PRDM6: variants seen among roughly 807,000 people sequenced by gnomAD.
PRDM6 encodes the protein PR/SET domain 6.
A neutral mutation model predicts 60.8 loss-of-function variants in PRDM6; 25 were observed. The observed-to-expected ratio is 0.41, with a 90% CI of 0.30 to 0.57. The LOEUF is 0.57. Among genes scored for constraint, PRDM6 ranks in the 20% least tolerant of loss-of-function variants. The probability of loss-of-function intolerance (pLI) is 0.27; values close to 1 mark genes in which losing one functional copy is unlikely to be tolerated. For missense variants in PRDM6, 839 were observed against 821.3 expected, an observed-to-expected ratio of 1.02 and a Z score of -0.26; for synonymous variants, 407 against 357.4, an observed-to-expected ratio of 1.14 and a Z score of -1.57.
At chr5:123,154,962 C>G (rs1765459228) in intron 3 of PRDM6, among the ~76,000 whole-genome samples, 1 of 152,192 alleles carries the variant, frequency 6.6e-6, no homozygotes. Context: ...TCATCTCCCA[C>G]TCCTCTAGAT....
At chr5:123,159,098 C>T (rs1765570430) in intron 4 of PRDM6, among the ~76,000 whole-genome samples, 1 of 152,106 alleles carries the variant, frequency 6.6e-6, no homozygotes. Flanking sequence ...TTCCCAATGC[C>T]AAGTTGCAAT....
chr5:123,105,851 A>T (rs1029374309), intron 3 of PRDM6, among the ~76,000 whole-genome samples: 12 of 152,224 alleles, frequency 7.9e-5, no homozygotes. Flanking sequence ...AGCATTTGCC[A>T]CCTCACTCAA....
intron 3 of PRDM6, among the ~76,000 whole-genome samples, chr5:123,118,571 G>T (rs140134706): frequency 6.6e-6 from 1 of 152,168 alleles, no homozygotes; most frequent in Admixed American, 6.5e-5. Context: ...TAAAGATTAC[G>T]ATAAGTCTGG....
At chr5:123,111,834 G>T (rs978162508) in intron 3 of PRDM6, among the ~76,000 whole-genome samples, 10 of 151,940 alleles carry the variant, frequency 6.6e-5, no homozygotes, top group African/African-American at 2.2e-4. Context: ...TCTGCTTCAG[G>T]TCCACAGTTG....
rs1766302270 is a variant in PRDM6 at position 123,186,998 on chromosome 5, T to C, written c.1674-89T>C. 6.3e-6 allele frequency: 6 copies of C among 945,018 alleles called. No homozygotes were observed. In the East Asian group the frequency reaches 1.6e-4, roughly 26 times the overall value. The allele number at this position is 945,018 out of a possible 1,614,324, so 58.5% of individuals were successfully genotyped here. A position where few individuals can be genotyped will look rare whatever the true frequency, so the allele number is the denominator to read the frequency against. Reference sequence around the variant, plus strand: ...GGTAAAATCTGAAGCCACTTTGGAGTGTCTGTTCTGATTAGGCAGGATGAG... The same window carrying C: ...GGTAAAATCTGAAGCCACTTTGGAGCGTCTGTTCTGATTAGGCAGGATGAG... On this transcript the variant is annotated intron_variant, in intron 7 of 7. Transcript: ENST00000407847.
chr5:123,102,192 G>A (rs750122983), intron 3 of PRDM6, among the ~76,000 whole-genome samples: 2 of 152,200 alleles, frequency 1.3e-5, no homozygotes, highest in Non-Finnish European at 2.9e-5. Context: ...GGGAGATCAC[G>A]TGAAATGCGA....
Position 123,099,589 on chromosome 5 carries a change from G to A in PRDM6, c.593-65G>A, listed in dbSNP as rs1335205875. 2 of 1,387,570 alleles carry A rather than the reference G, an allele frequency of 1.4e-6. No homozygotes were observed. The allele number at this position is 1,387,570 out of a possible 1,614,324, so 86.0% of individuals were successfully genotyped here. ...CTGTTGTCTCGGGAGTTTACTCAAA[G>A]ATGGGCCGCTCGGGGCGGCCGGATT... On this transcript the variant is annotated intron_variant, in intron 2 of 7. Transcript: ENST00000407847. This position sits in a 1 kb window ranked among gnomAD's most constrained non-coding sequence, Gnocchi z 4.0.
rs925539407 is a variant in PRDM6, at chr5:123,192,000, TAAC to T, written c.*4802_*4804del. ...TTCATCAGATCAATATGTAAAACGA[TAAC>T]AAAAAATATGTCGGAAACAGGTCAA... is the stretch of plus-strand genomic sequence containing the variant. On this transcript the variant is annotated 3_prime_UTR_variant, in exon 8 of 8. Coordinates refer to ENST00000407847, the MANE Select transcript of PRDM6 (RefSeq NM_001136239.4). 4.6e-5 allele frequency: 7 copies of T among 152,198 alleles called. No homozygotes were observed. The highest frequency in any genetic ancestry group is 7.4e-5 in the Non-Finnish European group (5 of 68,022). The allele number at this position is 152,198 out of a possible 1,614,324, so 9.4% of individuals were successfully genotyped here. A position where few individuals can be genotyped will look rare whatever the true frequency, so the allele number is the denominator to read the frequency against.
At position 123,149,790 on chromosome 5, in the gene PRDM6, C is replaced by T. The variant is rs149684527; in HGVS notation, c.901-6094C>T. 2.2e-3 allele frequency among the ~76,000 whole-genome samples: 334 copies of T among 152,290 alleles called. 1 individual carries two copies. Among genetic ancestry groups the T allele is most frequent in the African/African-American group, 7.6e-3 (315 of 41,558 alleles). On this transcript the variant is annotated intron_variant, in intron 3 of 7. Coordinates refer to ENST00000407847, the MANE Select transcript of PRDM6 (RefSeq NM_001136239.4). ...CTATTAACACGTCAACTGTTTTACT[C>T]CTGTATTCCCTTGATGTCATTCCAA...
intron 3 of PRDM6, among the ~76,000 whole-genome samples, chr5:123,137,410 C>G (rs1201547230): frequency 1.3e-5 from 2 of 152,246 alleles, no homozygotes; most frequent in South Asian, 2.1e-4. Context: ...TACTCACCCT[C>G]TAGCACACAT....
At chr5:123,152,613 G>C (rs552554005) in intron 3 of PRDM6, among the ~76,000 whole-genome samples, 2 of 152,162 alleles carry the variant, frequency 1.3e-5, no homozygotes, top group Non-Finnish European at 2.9e-5. Context: ...TCAGTCACTG[G>C]CTTACACCAT....
chr5:123,175,559 A>G (rs1765986754), intron 6 of PRDM6, among the ~76,000 whole-genome samples: 1 of 152,120 alleles, frequency 6.6e-6, no homozygotes, highest in African/African-American at 2.4e-5. Flanking sequence ...TTAGTCTTGC[A>G]CTTCTGTCAC....
Position 123,193,779 on chromosome 5 carries a change from G to T in PRDM6, c.*6578G>T, listed in dbSNP as rs1766475195. The T allele has an allele frequency of 6.6e-6, 1 of 152,146 alleles. No individual in the cohort carries two copies. The highest frequency in any genetic ancestry group is 1.5e-5 in the Non-Finnish European group (1 of 68,026). The allele number at this position is 152,146 out of a possible 1,614,324, so 9.4% of individuals were successfully genotyped here. ...AAGTGTGATATTTAGATGCTATTAG[G>T]ACATTGTATACATTTCTTTAATGTG... On this transcript the variant is annotated 3_prime_UTR_variant, in exon 8 of 8. Coordinates refer to ENST00000407847, the MANE Select transcript of PRDM6 (RefSeq NM_001136239.4).
intron 3 of PRDM6, among the ~76,000 whole-genome samples, chr5:123,143,896 A>C (rs150549789): frequency 6.6e-6 from 1 of 152,178 alleles, no homozygotes; most frequent in Non-Finnish European, 1.5e-5. Context: ...ATTTATAAAA[A>C]TGTTAATTTA....
At chr5:123,150,043 G>A (rs928553124) in intron 3 of PRDM6, among the ~76,000 whole-genome samples, 6 of 152,130 alleles carry the variant, frequency 3.9e-5, no homozygotes, top group Non-Finnish European at 8.8e-5. Flanking sequence ...CTAGACTGAC[G>A]TTTCTCATCT....
rs1325090543 is a variant in PRDM6 at position 123,148,091 on chromosome 5, G to C, written c.901-7793G>C. Among the ~76,000 whole-genome samples the C allele has an allele frequency of 2.6e-5, 4 of 152,304 alleles. No individual in the cohort carries two copies. The East Asian group carries it at 5.8e-4, about 22-fold the overall frequency. ...CAAACAACACCACAGGTGTTTTACAGTTCATTGACACTTTTCAACTGTTTT... is the reference window on the plus strand; with the variant it reads ...CAAACAACACCACAGGTGTTTTACACTTCATTGACACTTTTCAACTGTTTT... On this transcript the variant is annotated intron_variant, in intron 3 of 7. Transcript: ENST00000407847.
chr5:123,134,270 T>C (rs991872461), intron 3 of PRDM6, among the ~76,000 whole-genome samples: 2 of 152,142 alleles, frequency 1.3e-5, no homozygotes, highest in Non-Finnish European at 2.9e-5. Flanking sequence ...GTAACGGCCT[T>C]AGTTATTAGA....
intron 2 of PRDM6, among the ~76,000 whole-genome samples, chr5:123,098,791 G>A (rs1231284621): frequency 2.0e-5 from 3 of 152,192 alleles, no homozygotes; most frequent in Non-Finnish European, 4.4e-5. Flanking sequence ...TAGGGAGAGC[G>A]TGCACACCAA....
intron 6 of PRDM6, 23 bp downstream of exon 6, chr5:123,171,131 A>T (rs1051002427): frequency 2.0e-6 from 3 of 1,503,550 alleles, no homozygotes; most frequent in African/African-American, 1.4e-5. Flanking sequence ...CTCACTGCTG[A>T]CAGTGTGTTT....
Sources: gnomAD v4.1 joint callset for allele counts (sites outside exome capture counted in the v4.1 genomes callset) on GRCh38, gnomAD v4.1.1 for gene constraint, Gnocchi (gnomAD v3.1) non-coding constraint, MANE v1.5 for transcripts, NCBI Gene and HGNC (gene_info 2026-07-23, HGNC 2026-07-21) for gene names.